Variants in SMIM12 observed in about 807,000 individuals in gnomAD.
SMIM12 encodes the protein UPF0767 protein C1orf212.
SMIM12 carries 5 observed loss-of-function variants against 6.3 expected under a neutral mutation model. The ratio of observed to expected loss-of-function variants is 0.80; its 90% CI spans 0.42 to 1.68. The LOEUF (loss-of-function observed/expected upper bound fraction) is 1.68, where lower values mean the gene tolerates loss of function less well. SMIM12 is among the 40% of genes most tolerant of loss of function. SMIM12 has a pLI of 0.02. For missense variants in SMIM12, 103 were observed against 121.4 expected, an observed-to-expected ratio of 0.85 and a Z score of 0.71; for synonymous variants, 51 against 48.0, an observed-to-expected ratio of 1.06 and a Z score of -0.26.
intron 1 of SMIM12, chr1:34,858,708 A>G (rs932756219): frequency 3.9e-5 from 6 of 152,206 alleles, no homozygotes; most frequent in Non-Finnish European, 7.3e-5. Flanking sequence ...GTTCACAACT[A>G]TCTCTCACAT....
chr1:34,858,112 TA>T (rs759216631), intron 1 of SMIM12: 6,729 of 141,604 alleles, frequency 0.048, 430 homozygotes, highest in African/African-American at 0.15. Flanking sequence ...TCATGAAATT[TA>T]AAAAAAAAAA....
In SMIM12 at chr1:34,854,788, T is replaced by C. The variant is rs1638585483; in HGVS notation, c.*911A>G. On this transcript the variant is annotated 3_prime_UTR_variant, in exon 2 of 2. Coordinates refer to ENST00000521580, the MANE Select transcript of SMIM12 (RefSeq NM_138428.6). ...TCTTGAATGTGCGTATATACTTTTATAGGGAAAGGCGTCTATGTGTGTGTA... is the reference window on the plus strand; with the variant it reads ...TCTTGAATGTGCGTATATACTTTTACAGGGAAAGGCGTCTATGTGTGTGTA... 5 of 163,508 alleles carry C rather than the reference T, an allele frequency of 3.1e-5. No homozygotes were observed. The South Asian group carries it at 8.2e-4, about 27-fold the overall frequency. 10.1% of individuals were successfully genotyped at this position (163,508 alleles called of 1,614,324 possible). A position where few individuals can be genotyped will look rare whatever the true frequency, so the allele number is the denominator to read the frequency against.
Position 34,855,282 on chromosome 1 carries a change from G to A in SMIM12, c.*417C>T, listed in dbSNP as rs759917600. 5 of 1,376,454 alleles carry A rather than the reference G, an allele frequency of 3.6e-6. No homozygotes were observed. The highest frequency in any genetic ancestry group is 4.9e-6 in the Non-Finnish European group (5 of 1,027,966). 85.3% of individuals were successfully genotyped at this position (1,376,454 alleles called of 1,614,324 possible). ...AGGATAGGGCAAAATAGTGAAGGGA[G>A]CCAGGTGCATATTTGAATTCTTTCC... is the stretch of plus-strand genomic sequence containing the variant. On this transcript the variant is annotated 3_prime_UTR_variant, in exon 2 of 2. Coordinates refer to ENST00000521580, the MANE Select transcript of SMIM12 (RefSeq NM_138428.6).
chr1:34,858,403 T>C (rs1638718344), intron 1 of SMIM12: 1 of 152,232 alleles, frequency 6.6e-6, no homozygotes, highest in Non-Finnish European at 1.5e-5. Context: ...AGGTATACGG[T>C]TTCTGTCCAA....
chr1:34,853,245 G>A lies in SMIM12; in HGVS notation c.*2454C>T, dbSNP rs887938095. The A allele has an allele frequency of 2.6e-5, 4 of 152,376 alleles. No individual in the cohort carries two copies. The highest frequency in any genetic ancestry group is 6.5e-5 in the Admixed American group (1 of 15,288). The allele number at this position is 152,376 out of a possible 1,614,324, so 9.4% of individuals were successfully genotyped here. On this transcript the variant is annotated 3_prime_UTR_variant, in exon 2 of 2. Transcript: ENST00000521580. ...CTCACGAGAGAGAACCTAAGAAGCA[G>A]GGCCAATACCCACTCCCTTTTAGAG...
rs190346352 is a variant in SMIM12, at chr1:34,854,358, G to C, written c.*1341C>G. Reference sequence around the variant, plus strand: ...AGGCCAAGGCCGGAGGATCACTTGAGCCCAGGAGTTTGAGACTAGCCTGGG... The same window carrying C: ...AGGCCAAGGCCGGAGGATCACTTGACCCCAGGAGTTTGAGACTAGCCTGGG... On this transcript the variant is annotated 3_prime_UTR_variant, in exon 2 of 2. Coordinates refer to ENST00000521580, the MANE Select transcript of SMIM12 (RefSeq NM_138428.6). 2.0e-5 allele frequency: 3 copies of C among 152,362 alleles called. No homozygotes were observed. Among genetic ancestry groups the C allele is most frequent in the Admixed American group, 2.0e-4 (3 of 15,300 alleles). The allele number at this position is 152,362 out of a possible 1,614,324, so 9.4% of individuals were successfully genotyped here.
At position 34,854,905 on chromosome 1, in the gene SMIM12, A is replaced by G. The variant is rs376758604; in HGVS notation, c.*794T>C. 19 of 355,828 alleles carry G rather than the reference A, an allele frequency of 5.3e-5. No individual in the cohort carries two copies. The South Asian group carries it at 6.6e-4, about 12-fold the overall frequency. 22.0% of individuals were successfully genotyped at this position (355,828 alleles called of 1,614,324 possible). On this transcript the variant is annotated 3_prime_UTR_variant, in exon 2 of 2. Transcript: ENST00000521580. ...CTGGGAATCTGTGCCTCCAGGGTTC[A>G]GTGCAACCGCACTAGTAAAGCAGTT...
chr1:34,855,568 T>C lies in SMIM12; in HGVS notation c.*131A>G, dbSNP rs1330398025. The stretch of plus-strand genomic sequence containing the variant: ...GCCATCAAGGAGCAGCCAGTATTTG[T>C]GTGGCTGTGTGGTGTGGGAAGGGCC... On this transcript the variant is annotated 3_prime_UTR_variant, in exon 2 of 2. Coordinates refer to ENST00000521580, the MANE Select transcript of SMIM12 (RefSeq NM_138428.6). The C allele has an allele frequency of 1.2e-6, 2 of 1,613,100 alleles. No individual in the cohort carries two copies. The highest frequency in any genetic ancestry group is 1.7e-6 in the Non-Finnish European group (2 of 1,179,896).
rs541873340 is a variant in SMIM12, at chr1:34,854,660, T to C, written c.*1039A>G. On this transcript the variant is annotated 3_prime_UTR_variant, in exon 2 of 2. Coordinates refer to ENST00000521580, the MANE Select transcript of SMIM12 (RefSeq NM_138428.6). ...TAAATGTACAGTAATGATAACTATC[T>C]CTAAAACCTATGCAGAGAATTAGTA... 3.5e-4 allele frequency: 54 copies of C among 153,610 alleles called. No individual in the cohort carries two copies. The highest frequency in any genetic ancestry group is 1.3e-3 in the African/African-American group (53 of 41,574). 9.5% of individuals were successfully genotyped at this position (153,610 alleles called of 1,614,324 possible).
chr1:34,857,023 G>C (rs540238393), intron 1 of SMIM12, among the ~76,000 whole-genome samples: 271 of 152,104 alleles, frequency 1.8e-3, no homozygotes, highest in African/African-American at 5.3e-3. Flanking sequence ...GAACCTGGGA[G>C]GCGGAGGTTG....
Position 34,855,733 on chromosome 1 carries a change from G to C in SMIM12, c.245C>G (p.Ala82Gly). 1 of 1,606,104 alleles carries C rather than the reference G, an allele frequency of 6.2e-7. No individual in the cohort carries two copies. The highest frequency in any genetic ancestry group is 8.5e-7 in the Non-Finnish European group (1 of 1,175,706). The change falls in exon 2 of 2, where the codon GCT (alanine) becomes GGT (glycine). Residue 82 changes from alanine to glycine, a missense_variant. Coordinates refer to ENST00000521580, the MANE Select transcript of SMIM12 (RefSeq NM_138428.6). ...CTCTGGGCGGTTTCTGTTCAGCACA[G>C]CTTTCGGGGCAAATTCTAGCTTGTC... ...LKDKLEFAPK[A>G]VLNRNRPEKN
chr1:34,858,911 C>T (rs1479634220), intron 1 of SMIM12: 1 of 152,148 alleles, frequency 6.6e-6, no homozygotes, highest in Non-Finnish European at 1.5e-5. Flanking sequence ...CCAATTATGC[C>T]CTATCCATCC....
In SMIM12 at chr1:34,854,960, A is replaced by T; in HGVS notation, c.*739T>A. ...GGGCTCCTTGGCACCCTTTAATACC[A>T]ATGTTATCCTGCTCTAAAATGCCTG... On this transcript the variant is annotated 3_prime_UTR_variant, in exon 2 of 2. Transcript: ENST00000521580. 1 of 904,774 alleles carries T rather than the reference A, an allele frequency of 1.1e-6. No homozygotes were observed. Among genetic ancestry groups the T allele is most frequent in the Non-Finnish European group, 1.5e-6 (1 of 671,496 alleles). The allele number at this position is 904,774 out of a possible 1,614,324, so 56.0% of individuals were successfully genotyped here. A position where few individuals can be genotyped will look rare whatever the true frequency, so the allele number is the denominator to read the frequency against.
chr1:34,855,334 G>A lies in SMIM12; in HGVS notation c.*365C>T. On this transcript the variant is annotated 3_prime_UTR_variant, in exon 2 of 2. Transcript: ENST00000521580. ...GTGCAGACTGGAACTAGACATGCAG[G>A]TATCCCTCCTAAAGGCAACGCCCAA... 7.1e-7 allele frequency: 1 copy of A among 1,411,870 alleles called. No individual in the cohort carries two copies. Among genetic ancestry groups the A allele is most frequent in the Non-Finnish European group, 9.5e-7 (1 of 1,051,356 alleles). 87.5% of individuals were successfully genotyped at this position (1,411,870 alleles called of 1,614,324 possible). A position where few individuals can be genotyped will look rare whatever the true frequency, so the allele number is the denominator to read the frequency against.
intron 1 of SMIM12, chr1:34,856,743 A>T (rs1638666627): frequency 6.6e-6 from 1 of 152,226 alleles, no homozygotes; most frequent in Non-Finnish European, 1.5e-5. Flanking sequence ...CCTTTTCCTC[A>T]TGTAAAGCAT....
chr1:34,855,011 C>A lies in SMIM12; in HGVS notation c.*688G>T, dbSNP rs1638592732. 8 of 1,245,276 alleles carry A rather than the reference C, an allele frequency of 6.4e-6. No individual in the cohort carries two copies. The Admixed American group carries it at 2.2e-4, about 34-fold the overall frequency. The allele number at this position is 1,245,276 out of a possible 1,614,324, so 77.1% of individuals were successfully genotyped here. ...TACTTGCCTAACTCCTAAGAAGACC[C>A]CCAAATACCACCTGGATGATAAGAT... is the stretch of plus-strand genomic sequence containing the variant. On this transcript the variant is annotated 3_prime_UTR_variant, in exon 2 of 2. Transcript: ENST00000521580.
intron 1 of SMIM12, chr1:34,858,272 G>C (rs1000298447): frequency 2.6e-5 from 4 of 152,134 alleles, no homozygotes; most frequent in Non-Finnish European, 4.4e-5. Context: ...GGCCACAAAG[G>C]CTCACAGACA....
rs1557679437 is a variant in SMIM12, at chr1:34,855,370, T to C, written c.*329A>G. ...AAAGGCAACGCCCAAATCCCAGCCA[T>C]TCCCACTAGAGGCCAAACCGCCTGC... On this transcript the variant is annotated 3_prime_UTR_variant, in exon 2 of 2. Coordinates refer to ENST00000521580, the MANE Select transcript of SMIM12 (RefSeq NM_138428.6). 6.9e-7 allele frequency: 1 copy of C among 1,457,460 alleles called. No individual in the cohort carries two copies. The highest frequency in any genetic ancestry group is 9.3e-7 in the Non-Finnish European group (1 of 1,080,358). The allele number at this position is 1,457,460 out of a possible 1,614,324, so 90.3% of individuals were successfully genotyped here.
Position 34,855,125 on chromosome 1 carries a change from ATTC to A in SMIM12, c.*571_*573del. The A allele has an allele frequency of 7.5e-7, 1 of 1,338,934 alleles. No individual in the cohort carries two copies. The highest frequency in any genetic ancestry group is 9.9e-7 in the Non-Finnish European group (1 of 1,006,814). The allele number at this position is 1,338,934 out of a possible 1,614,324, so 82.9% of individuals were successfully genotyped here. On this transcript the variant is annotated 3_prime_UTR_variant, in exon 2 of 2. Coordinates refer to ENST00000521580, the MANE Select transcript of SMIM12 (RefSeq NM_138428.6). ...GAAGATGGTGACTGTTTTCAAGCAA[ATTC>A]ACGAGGCACATGTTCGTCCCTGCCC...
Sources: allele counts gnomAD v4.1 joint callset (sites outside exome capture counted in the v4.1 genomes callset), GRCh38; gene constraint gnomAD v4.1.1; transcripts MANE v1.5; gene names NCBI Gene and HGNC (gene_info 2026-07-23, HGNC 2026-07-21).